The following MSRA variants were observed in gnomAD, a reference collection of about 807,000 sequenced individuals.
The protein encoded by MSRA is methionine sulfoxide reductase A.
In MSRA, 54 loss-of-function variants were observed where a neutral mutation model predicts 31.3. That is an observed-to-expected ratio of 1.73 (90% CI 1.39 to 2.17). MSRA has a LOEUF of 2.17. Ranked by LOEUF, MSRA falls within the 30% of genes most tolerant of loss-of-function variation. The pLI is 0.00. For missense variants in MSRA, 507 were observed against 300.9 expected, an observed-to-expected ratio of 1.69 and a Z score of -5.07; for synonymous variants, 169 against 116.5, an observed-to-expected ratio of 1.45 and a Z score of -2.90.
chr8:10,361,596 A>G (rs890978460), intron 5 of MSRA, among the ~76,000 whole-genome samples: 5 of 152,308 alleles, frequency 3.3e-5, no homozygotes, highest in African/African-American at 9.6e-5. Flanking sequence ...AACACAAGCC[A>G]TTACTGGGAG....
intron 1 of MSRA, among the ~76,000 whole-genome samples, chr8:10,199,418 C>G (rs1808298974): frequency 6.6e-6 from 1 of 152,190 alleles, no homozygotes; most frequent in African/African-American, 2.4e-5. Flanking sequence ...CTCCCGGGTT[C>G]AAGTGATTCT....
chr8:10,204,896 C>T (rs1334222897), intron 1 of MSRA, among the ~76,000 whole-genome samples: 3 of 152,188 alleles, frequency 2.0e-5, no homozygotes, highest in Non-Finnish European at 2.9e-5. Context: ...CCCTGCCCTC[C>T]CTGAGCTTGC....
At chr8:10,218,466 A>T (rs1810199666) in intron 2 of MSRA, among the ~76,000 whole-genome samples, 1 of 152,170 alleles carries the variant, frequency 6.6e-6, no homozygotes, top group Non-Finnish European at 1.5e-5. Context: ...TCTTTTGGTG[A>T]AGTTAGCATC....
intron 3 of MSRA, among the ~76,000 whole-genome samples, chr8:10,282,044 C>T (rs1199824326): frequency 2.6e-5 from 4 of 152,176 alleles, no homozygotes; most frequent in African/African-American, 7.2e-5. Flanking sequence ...CTTCCAGACT[C>T]TCCCCCCACG....
intron 4 of MSRA, among the ~76,000 whole-genome samples, chr8:10,307,786 G>A (rs1229272477): frequency 6.6e-6 from 1 of 152,198 alleles, no homozygotes; most frequent in Non-Finnish European, 1.5e-5. Flanking sequence ...AGAGGCCTCT[G>A]GCTGAGAGTG....
chr8:10,390,918 G>A (rs1353577900), intron 5 of MSRA, among the ~76,000 whole-genome samples: 1 of 151,598 alleles, frequency 6.6e-6, no homozygotes, highest in African/African-American at 2.4e-5. Flanking sequence ...GGAGTTTGCA[G>A]TGAGCCGAGA....
intron 5 of MSRA, among the ~76,000 whole-genome samples, chr8:10,349,692 G>A (rs373837594): frequency 5.9e-5 from 9 of 152,176 alleles, no homozygotes; most frequent in East Asian, 3.9e-4. Context: ...GGCGCTCCTC[G>A]ATTGGAAAGC....
intron 3 of MSRA, among the ~76,000 whole-genome samples, chr8:10,266,709 T>C (rs1297965088): frequency 2.6e-5 from 4 of 152,212 alleles, no homozygotes; most frequent in African/African-American, 7.2e-5. Flanking sequence ...GTTTAAGATG[T>C]ACATTTAAGT....
chr8:10,166,463 A>G (rs1282433269), intron 1 of MSRA, among the ~76,000 whole-genome samples: 1 of 151,966 alleles, frequency 6.6e-6, no homozygotes, highest in Non-Finnish European at 1.5e-5. Context: ...CATATGTTAT[A>G]TTTACATGAC....
chr8:10,368,921 C>G (rs969473011), intron 5 of MSRA, among the ~76,000 whole-genome samples: 2 of 152,208 alleles, frequency 1.3e-5, no homozygotes, highest in East Asian at 3.8e-4. Flanking sequence ...CCCTACTGAT[C>G]TCCAAGAGCT....
chr8:10,320,018 G>C, intron 5 of MSRA, 29 bp downstream of exon 5: 1 of 1,496,592 alleles, frequency 6.7e-7, no homozygotes, highest in Non-Finnish European at 9.2e-7. Context: ...CTAGCCCCTG[G>C]CTTAGGCCAC....
chr8:10,230,888 A>G (rs1038898260), intron 2 of MSRA, among the ~76,000 whole-genome samples: 3 of 152,062 alleles, frequency 2.0e-5, no homozygotes, highest in African/African-American at 7.2e-5. Context: ...AGGTTCAAGC[A>G]TTTCTCCTGC....
At chr8:10,197,194 G>A (rs1197532890) in intron 1 of MSRA, among the ~76,000 whole-genome samples, 1 of 152,134 alleles carries the variant, frequency 6.6e-6, no homozygotes. Flanking sequence ...GTTAATAGTG[G>A]TGGTGAGATT....
intron 1 of MSRA, among the ~76,000 whole-genome samples, chr8:10,073,990 C>T (rs1412730877): frequency 1.5e-5 from 2 of 131,448 alleles, no homozygotes; most frequent in Non-Finnish European, 3.1e-5. Context: ...GGGAGTGTTG[C>T]TTTCTATACG....
intron 4 of MSRA, among the ~76,000 whole-genome samples, chr8:10,301,937 T>C (rs554776402): frequency 6.6e-6 from 1 of 152,332 alleles, no homozygotes; most frequent in South Asian, 2.1e-4. Context: ...TTATTCCTCC[T>C]TAATGCAGTC....
intron 3 of MSRA, among the ~76,000 whole-genome samples, chr8:10,289,242 T>A (rs1800102592): frequency 6.6e-6 from 1 of 152,144 alleles, no homozygotes; most frequent in Non-Finnish European, 1.5e-5. Context: ...CTTGATATCT[T>A]GACCTCATAA....
At chr8:10,209,644 G>A (rs760690633) in intron 2 of MSRA, among the ~76,000 whole-genome samples, 68 of 152,178 alleles carry the variant, frequency 4.5e-4, no homozygotes, top group Non-Finnish European at 8.2e-4. Context: ...TTCACTTTCA[G>A]CGGGCAACTT....
intron 5 of MSRA, among the ~76,000 whole-genome samples, chr8:10,426,751 G>A (rs1430359303): frequency 2.0e-5 from 3 of 152,236 alleles, no homozygotes; most frequent in Non-Finnish European, 4.4e-5. Context: ...CCTTCCCGTG[G>A]CTGTTGTGAG....
intron 3 of MSRA, among the ~76,000 whole-genome samples, chr8:10,276,699 T>G (rs551312184): frequency 6.6e-6 from 1 of 152,226 alleles, no homozygotes; most frequent in Non-Finnish European, 1.5e-5. Context: ...AAGAGAAGTC[T>G]TTAATGTTTC....
Sources: gnomAD v4.1 joint callset for allele counts (sites outside exome capture counted in the v4.1 genomes callset) on GRCh38, gnomAD v4.1.1 for gene constraint, MANE v1.5 for transcripts, NCBI Gene and HGNC (gene_info 2026-07-23, HGNC 2026-07-21) for gene names.